CMIP: variants seen among roughly 807,000 people sequenced by gnomAD.
CMIP encodes the protein c-Maf inducing protein.
Under a neutral mutation model 97.3 loss-of-function variants are expected in CMIP, and 13 were observed. The observed-to-expected ratio is 0.13, with a 90% confidence interval of 0.09 to 0.21. The LOEUF is 0.21. Among genes scored for constraint, CMIP ranks in the 10% least tolerant of loss-of-function variants. The probability of loss-of-function intolerance (pLI) is 1.00; values close to 1 mark genes in which losing one functional copy is unlikely to be tolerated. For missense variants in CMIP, 847 were observed against 1,024.9 expected, an observed-to-expected ratio of 0.83 and a Z score of 2.37; for synonymous variants, 538 against 436.3, an observed-to-expected ratio of 1.23 and a Z score of -2.91.
chr16:81,560,736 C>T lies in CMIP; in HGVS notation c.301-46831C>T, dbSNP rs540123317. On this transcript the variant is annotated intron_variant, in intron 1 of 20. Transcript: ENST00000537098. ...ATGCCATATTTTCACTGTACCTTTT[C>T]TGTGTTTAAATATGTTTAGGTACAC... is the stretch of plus-strand genomic sequence containing the variant. Among the ~76,000 whole-genome samples the T allele has an allele frequency of 3.9e-5, 6 of 152,280 alleles. No individual in the cohort carries two copies. In the South Asian group the frequency reaches 1.2e-3, roughly 32 times the overall value.
chr16:81,461,521 C>T (rs1317222983), intron 1 of CMIP, among the ~76,000 whole-genome samples: 1 of 152,186 alleles, frequency 6.6e-6, no homozygotes, highest in Non-Finnish European at 1.5e-5. Context: ...TTGTTGTTGG[C>T]ATGCAACGGG....
chr16:81,494,057 A>T (rs1323271367), intron 1 of CMIP, among the ~76,000 whole-genome samples: 2 of 152,202 alleles, frequency 1.3e-5, no homozygotes, highest in Non-Finnish European at 2.9e-5. Context: ...GGGAGGTCAG[A>T]GCCAGAGTCC....
chr16:81,626,034 T>C (rs2092056438), intron 3 of CMIP, among the ~76,000 whole-genome samples: 1 of 152,210 alleles, frequency 6.6e-6, no homozygotes. Context: ...AGCCCAGCTT[T>C]GGATCCTTTC....
chr16:81,473,637 C>G (rs1055127327), intron 1 of CMIP, among the ~76,000 whole-genome samples: 2 of 151,504 alleles, frequency 1.3e-5, no homozygotes, highest in Non-Finnish European at 2.9e-5. Context: ...GGCTTGGACG[C>G]TTGTGTTGGA....
intron 3 of CMIP, among the ~76,000 whole-genome samples, chr16:81,647,097 C>G (rs2092372107): frequency 6.6e-6 from 1 of 152,376 alleles, no homozygotes; most frequent in South Asian, 2.1e-4. Context: ...CCCAGTTTCT[C>G]CACACCTTTG....
chr16:81,538,462 T>A (rs1352281408), intron 1 of CMIP, among the ~76,000 whole-genome samples: 1 of 152,238 alleles, frequency 6.6e-6, no homozygotes, highest in African/African-American at 2.4e-5. Context: ...TTTTATTTTC[T>A]CAGGGGATTT....
intron 6 of CMIP, among the ~76,000 whole-genome samples, chr16:81,662,014 C>T (rs1042576919): frequency 6.6e-6 from 1 of 152,102 alleles, no homozygotes; most frequent in Non-Finnish European, 1.5e-5. Flanking sequence ...TGTGTGTATA[C>T]AGGTGTGGAT....
chr16:81,493,996 TA>T (rs912348559), intron 1 of CMIP, among the ~76,000 whole-genome samples: 1 of 152,080 alleles, frequency 6.6e-6, no homozygotes, highest in Admixed American at 6.5e-5. Context: ...ATCTCTTAAT[TA>T]AAAAAACAAC....
Position 81,652,465 on chromosome 16 carries a change from C to A in CMIP, c.639+101C>A. ...AGGCGCAGGCAGAGCTCCGTGTGGG[C>A]TGTGTTGTTGCCCTGCTGCCGAAGG... On this transcript the variant is annotated intron_variant, in intron 4 of 20. Transcript: ENST00000537098. This position sits in a 1 kb window ranked among gnomAD's most constrained non-coding sequence, Gnocchi z 5.2. The A allele has an allele frequency of 9.4e-7, 1 of 1,068,354 alleles. No individual in the cohort carries two copies. Among genetic ancestry groups the A allele is most frequent in the Non-Finnish European group, 1.4e-6 (1 of 728,810 alleles). 66.2% of individuals were successfully genotyped at this position (1,068,354 alleles called of 1,614,324 possible). A position where few individuals can be genotyped will look rare whatever the true frequency, so the allele number is the denominator to read the frequency against.
At chr16:81,703,585 A>T (rs1233806459) in intron 17 of CMIP, among the ~76,000 whole-genome samples, 1 of 149,202 alleles carries the variant, frequency 6.7e-6, no homozygotes, top group Non-Finnish European at 1.5e-5. Flanking sequence ...ACACACACAG[A>T]TATACACACA....
chr16:81,683,771 T>TC (rs1905110100), intron 10 of CMIP, among the ~76,000 whole-genome samples: 1 of 138,068 alleles, frequency 7.2e-6, no homozygotes, highest in African/African-American at 2.7e-5. Context: ...TTTTTTTTTT[T>TC]TTTTTTTTGC....
chr16:81,495,114 A>G (rs2089465821), intron 1 of CMIP, among the ~76,000 whole-genome samples: 1 of 152,208 alleles, frequency 6.6e-6, no homozygotes, highest in Non-Finnish European at 1.5e-5. Flanking sequence ...AATGGACCTC[A>G]TATGCTGTCC....
intron 1 of CMIP, among the ~76,000 whole-genome samples, chr16:81,555,318 A>G (rs918892733): frequency 1.3e-5 from 2 of 152,270 alleles, no homozygotes; most frequent in Admixed American, 1.3e-4. Context: ...CTCTGGGGAA[A>G]TCAAGAACCC....
intron 4 of CMIP, among the ~76,000 whole-genome samples, chr16:81,656,788 A>G (rs903752683): frequency 1.2e-4 from 19 of 152,080 alleles, no homozygotes; most frequent in African/African-American, 4.3e-4. Context: ...TGCCCAGATA[A>G]TTTTTGTATT....
chr16:81,668,457 C>T (rs1205056379), intron 7 of CMIP, among the ~76,000 whole-genome samples: 3 of 152,184 alleles, frequency 2.0e-5, no homozygotes, highest in Non-Finnish European at 2.9e-5. Context: ...CGACTTCCTG[C>T]CTCCTGGCAG....
At chr16:81,530,379 C>A (rs1055051131) in intron 1 of CMIP, among the ~76,000 whole-genome samples, 1 of 152,094 alleles carries the variant, frequency 6.6e-6, no homozygotes, top group Non-Finnish European at 1.5e-5. Flanking sequence ...CCTCCCGTCT[C>A]GCCTCTGTTG....
chr16:81,658,029 T>C (rs978489661), intron 5 of CMIP, among the ~76,000 whole-genome samples: 4 of 151,578 alleles, frequency 2.6e-5, no homozygotes, highest in African/African-American at 9.8e-5. Context: ...ATTGTCTGTC[T>C]TTGAGGTTTG....
intron 1 of CMIP, among the ~76,000 whole-genome samples, chr16:81,471,390 A>T (rs1210777715): frequency 6.7e-6 from 1 of 149,976 alleles, no homozygotes; most frequent in African/African-American, 2.4e-5. Flanking sequence ...GTGCATATGC[A>T]TATACACGTA....
At chr16:81,539,690 G>T (rs931650213) in intron 1 of CMIP, among the ~76,000 whole-genome samples, 3 of 152,124 alleles carry the variant, frequency 2.0e-5, no homozygotes, top group South Asian at 4.1e-4. Flanking sequence ...CCTGAGGCCC[G>T]CAGTTCCTGC....
Sources: allele counts gnomAD v4.1 joint callset (sites outside exome capture counted in the v4.1 genomes callset), GRCh38; gene constraint gnomAD v4.1.1; non-coding constraint Gnocchi (gnomAD v3.1); transcripts MANE v1.5; gene names NCBI Gene and HGNC (gene_info 2026-07-23, HGNC 2026-07-21).